Variants in PARPBP observed in about 807,000 individuals in gnomAD.
PARPBP encodes the protein PCNA-interacting partner.
In PARPBP, 52 loss-of-function variants were observed where a neutral mutation model predicts 50.0. The ratio of observed to expected loss-of-function variants is 1.04; its 90% CI spans 0.83 to 1.31. The LOEUF (loss-of-function observed/expected upper bound fraction) is 1.31, where lower values mean the gene tolerates loss of function less well. Among genes scored for constraint, PARPBP ranks in the 50% most tolerant of loss-of-function variants. PARPBP has a pLI of 0.00. For missense variants in PARPBP, 697 were observed against 672.0 expected, an observed-to-expected ratio of 1.04 and a Z score of -0.41; for synonymous variants, 244 against 232.1, an observed-to-expected ratio of 1.05 and a Z score of -0.47.
chr12:102,125,093 G>A (rs60169308), intron 2 of PARPBP, among the ~76,000 whole-genome samples: 6 of 151,890 alleles, frequency 4.0e-5, no homozygotes, highest in Non-Finnish European at 7.4e-5. Flanking sequence ...TTTGAATCTC[G>A]AAAACAATGA....
intron 3 of PARPBP, chr12:102,151,751 T>G (rs1213405367): frequency 6.5e-7 from 1 of 1,535,552 alleles, no homozygotes; most frequent in Non-Finnish European, 8.7e-7. Context: ...CCCATCACGG[T>G]CCAGAAGAAG....
rs781265484 is a variant in PARPBP, at chr12:102,182,595, A to G, written c.1231A>G (p.Ile411Val). The G allele has an allele frequency of 2.5e-6, 4 of 1,611,956 alleles. No individual in the cohort carries two copies. Among genetic ancestry groups the G allele is most frequent in the African/African-American group, 2.7e-5 (2 of 74,762 alleles). ...NNSIKPLRER[I>V]CVSMQEKKIK... ...TTCGATAAAACCCCTAAGAGAACGC[A>G]TCTGTGTGTCAATGCAAGAGAAAAA... The change falls in exon 9 of 11, where the codon ATC becomes GTC. Residue 411 changes from isoleucine to valine, a missense_variant. Transcript: ENST00000327680.
intron 1 of PARPBP, among the ~76,000 whole-genome samples, chr12:102,120,922 C>T (rs1880955222): frequency 1.3e-5 from 2 of 152,304 alleles, no homozygotes; most frequent in East Asian, 3.9e-4. Flanking sequence ...TTCACACTGC[C>T]TGCCCAGTGA....
chr12:102,186,093 T>A (rs1225042170), intron 9 of PARPBP, among the ~76,000 whole-genome samples: 1 of 152,184 alleles, frequency 6.6e-6, no homozygotes, highest in Non-Finnish European at 1.5e-5. Context: ...GTTTTCCAAT[T>A]TATTGGCATT....
intron 2 of PARPBP, among the ~76,000 whole-genome samples, chr12:102,138,721 C>A: frequency 6.6e-6 from 1 of 152,112 alleles, no homozygotes; most frequent in Admixed American, 6.5e-5. Context: ...GCCAGTTTTC[C>A]CAGCACCATT....
chr12:102,138,037 G>GT (rs1883940900), intron 2 of PARPBP, among the ~76,000 whole-genome samples: 1 of 152,156 alleles, frequency 6.6e-6, no homozygotes, highest in East Asian at 1.9e-4. Flanking sequence ...GGATGGCTGG[G>GT]TCAAATGGTA....
intron 4 of PARPBP, among the ~76,000 whole-genome samples, chr12:102,158,379 A>T (rs955058357): frequency 6.6e-6 from 1 of 152,132 alleles, no homozygotes; most frequent in Admixed American, 6.6e-5. Flanking sequence ...TCATGAATTT[A>T]TATTTATTCA....
rs561652355 is a variant in PARPBP at position 102,196,503 on chromosome 12, C to A, written c.*212C>A. 169 of 747,392 alleles carry A rather than the reference C, an allele frequency of 2.3e-4. No individual in the cohort carries two copies. Among genetic ancestry groups the A allele is most frequent in the South Asian group, 3.5e-4 (21 of 60,274 alleles). 46.3% of individuals were successfully genotyped at this position (747,392 alleles called of 1,614,324 possible). A position where few individuals can be genotyped will look rare whatever the true frequency, so the allele number is the denominator to read the frequency against. On this transcript the variant is annotated 3_prime_UTR_variant, in exon 11 of 11. Transcript: ENST00000327680. The stretch of plus-strand genomic sequence containing the variant: ...AGTTTAATGCACAGAGAAAGCATAT[C>A]ATTTCAGTTACTGATACATCTTAAC...
intron 10 of PARPBP, 61 bp downstream of exon 10, chr12:102,195,508 A>G: frequency 7.5e-7 from 1 of 1,324,966 alleles, no homozygotes; most frequent in Non-Finnish European, 1.1e-6. Context: ...AATTAGTTTT[A>G]ACTTAAGTAA....
chr12:102,148,669 T>A (rs952723959), intron 3 of PARPBP: 2 of 422,828 alleles, frequency 4.7e-6, no homozygotes, highest in Non-Finnish European at 8.3e-6. Context: ...GTGTTATTGT[T>A]ATTTAGTTGC....
At chr12:102,168,583 C>T (rs1410859115) in intron 6 of PARPBP, among the ~76,000 whole-genome samples, 1 of 152,042 alleles carries the variant, frequency 6.6e-6, no homozygotes, top group African/African-American at 2.4e-5. Flanking sequence ...AACATATACC[C>T]TATGCATATC....
chr12:102,142,945 C>T (rs372442023), intron 2 of PARPBP, among the ~76,000 whole-genome samples: 1 of 152,228 alleles, frequency 6.6e-6, no homozygotes, highest in Non-Finnish European at 1.5e-5. Flanking sequence ...GTTCAGGGAC[C>T]TACTTGAGGA....
intron 1 of PARPBP, among the ~76,000 whole-genome samples, chr12:102,121,359 TAAA>T (rs1027903313): frequency 6.6e-6 from 1 of 152,130 alleles, no homozygotes; most frequent in Non-Finnish European, 1.5e-5. Flanking sequence ...TCAGTGTCCA[TAAA>T]AAAAGTTTTA....
At chr12:102,136,857 G>C (rs1277039698) in intron 2 of PARPBP, among the ~76,000 whole-genome samples, 2 of 152,168 alleles carry the variant, frequency 1.3e-5, no homozygotes, top group African/African-American at 4.8e-5. Context: ...AAAGTAGATA[G>C]AGTTGGTTGT....
At chr12:102,170,629 C>T (rs2136407327) in intron 6 of PARPBP, among the ~76,000 whole-genome samples, 1 of 152,238 alleles carries the variant, frequency 6.6e-6, no homozygotes, top group African/African-American at 2.4e-5. Flanking sequence ...AATATGAAGG[C>T]CTGGAACATT....
intron 1 of PARPBP, among the ~76,000 whole-genome samples, chr12:102,123,588 G>A (rs1881493451): frequency 6.7e-6 from 1 of 148,660 alleles, no homozygotes; most frequent in African/African-American, 2.5e-5. Flanking sequence ...AGGTATATTT[G>A]TAATTATAAG....
intron 2 of PARPBP, among the ~76,000 whole-genome samples, chr12:102,124,680 AGT>A (rs981208122): frequency 6.6e-6 from 1 of 152,232 alleles, no homozygotes; most frequent in Non-Finnish European, 1.5e-5. Flanking sequence ...GGGGAATCAA[AGT>A]CATGGTATGA....
intron 9 of PARPBP, among the ~76,000 whole-genome samples, chr12:102,191,852 T>C (rs1246259659): frequency 6.6e-6 from 1 of 152,168 alleles, no homozygotes; most frequent in African/African-American, 2.4e-5. Context: ...TTAACAGCCA[T>C]GTATGAATCT....
intron 2 of PARPBP, among the ~76,000 whole-genome samples, chr12:102,146,465 G>T (rs561201890): frequency 8.3e-4 from 127 of 152,230 alleles, no homozygotes; most frequent in African/African-American, 2.7e-3. Flanking sequence ...AAGCAATAGG[G>T]AAAGGATTCC....
Sources: gnomAD v4.1 joint callset for allele counts (sites outside exome capture counted in the v4.1 genomes callset) on GRCh38, gnomAD v4.1.1 for gene constraint, MANE v1.5 for transcripts, NCBI Gene and HGNC (gene_info 2026-07-23, HGNC 2026-07-21) for gene names.